Variants in AUTS2 observed in about 807,000 individuals in gnomAD.
AUTS2 encodes activator of transcription and developmental regulator AUTS2, also known as autism susceptibility gene 2 protein.
AUTS2 carries 17 observed loss-of-function variants against 112.4 expected under a neutral mutation model. The observed-to-expected ratio is 0.15, with a 90% CI of 0.10 to 0.23. AUTS2 has a LOEUF of 0.23. AUTS2 is among the 10% of genes least tolerant of loss of function. AUTS2 has a pLI of 1.00. For synonymous variants in AUTS2, 751 were observed against 702.7 expected (o/e 1.07, Z -1.09); for missense variants, 1,510 against 1,701.6 (o/e 0.89, Z 1.98).
chr7:69,982,587 C>T (rs895118239), intron 2 of AUTS2, among the ~76,000 whole-genome samples: 7 of 152,146 alleles, frequency 4.6e-5, no homozygotes, highest in African/African-American at 1.7e-4. Flanking sequence ...AGTCATCACC[C>T]ATGGGTGAAA....
rs761641189 is a variant in AUTS2, at chr7:70,777,138, C to A, written c.1968C>A (p.Ile656=). 6.2e-7 allele frequency: 1 copy of A among 1,614,078 alleles called. No homozygotes were observed. Among genetic ancestry groups the A allele is most frequent in the Non-Finnish European group, 8.5e-7 (1 of 1,180,016 alleles). Residue 656 remains isoleucine, a synonymous_variant, in exon 14 of 19, where the codon ATC becomes ATA. Coordinates refer to ENST00000342771, the MANE Select transcript of AUTS2 (RefSeq NM_015570.4). ...AGTGGTGTGCTATGCATGTTCACAT[C>A]GCCTGGCAGATTTACCACCACCAAC... ...PGKWCAMHVH[I]AWQIYHHQQK...
chr7:70,226,750 A>G (rs1483246787), intron 4 of AUTS2, among the ~76,000 whole-genome samples: 7 of 152,266 alleles, frequency 4.6e-5, no homozygotes, highest in Admixed American at 3.9e-4. Flanking sequence ...GCAGTATATC[A>G]TTTAATTTTT....
At chr7:70,090,763 TC>T (rs1384811453) in intron 2 of AUTS2, among the ~76,000 whole-genome samples, 1 of 151,620 alleles carries the variant, frequency 6.6e-6, no homozygotes, top group Non-Finnish European at 1.5e-5. Flanking sequence ...ACTGCCGCCT[TC>T]GCCTCTTGGG....
rs577323013 is a variant in AUTS2 at position 70,774,055 on chromosome 7, C to T, written c.1858C>T (p.Arg620Trp). ...ATCCAACCCTATCGATGTCGCTGCT[C>T]GGCCTGGGACAGTCCCACACACTTT... The part of the protein sequence containing the change: ...KTSNPIDVAA[R>W]PGTVPHTLLQ... Residue 620 changes from arginine to tryptophan, a missense_variant, in exon 12 of 19, where the codon CGG becomes TGG. Transcript: ENST00000342771. The T allele has an allele frequency of 5.0e-6, 8 of 1,614,078 alleles. No individual in the cohort carries two copies. The highest frequency in any genetic ancestry group is 5.9e-6 in the Non-Finnish European group (7 of 1,180,050).
At chr7:69,752,551 C>T (rs1232095644) in intron 1 of AUTS2, among the ~76,000 whole-genome samples, 1 of 152,124 alleles carries the variant, frequency 6.6e-6, no homozygotes, top group East Asian at 1.9e-4. Context: ...CGCTTGCACT[C>T]AGTATTTAAG....
At chr7:70,022,275 T>C (rs915345909) in intron 2 of AUTS2, among the ~76,000 whole-genome samples, 1 of 151,738 alleles carries the variant, frequency 6.6e-6, no homozygotes, top group African/African-American at 2.4e-5. Flanking sequence ...TTGTTGTTTA[T>C]TGTCACAGAG....
intron 1 of AUTS2, among the ~76,000 whole-genome samples, chr7:69,748,245 A>G (rs1222566489): frequency 1.3e-5 from 2 of 152,196 alleles, no homozygotes; most frequent in African/African-American, 4.8e-5. Flanking sequence ...TTTCCTAGAT[A>G]AGGCATCTGT....
At chr7:70,260,681 A>C (rs1047762297) in intron 4 of AUTS2, among the ~76,000 whole-genome samples, 1 of 152,110 alleles carries the variant, frequency 6.6e-6, no homozygotes, top group African/African-American at 2.4e-5. Flanking sequence ...ATAGTGCAGC[A>C]GTCCCACTCC....
chr7:70,048,693 A>G (rs1420856128), intron 2 of AUTS2, among the ~76,000 whole-genome samples: 2 of 152,240 alleles, frequency 1.3e-5, no homozygotes, highest in East Asian at 1.9e-4. Context: ...GCAAATCATC[A>G]TATTTGCAAA....
chr7:69,606,009 C>A (rs1215496853), intron 1 of AUTS2, among the ~76,000 whole-genome samples: 1 of 152,192 alleles, frequency 6.6e-6, no homozygotes, highest in African/African-American at 2.4e-5. Context: ...TGATTCCATG[C>A]AGCTTTTGTT....
At chr7:69,876,500 AT>A (rs1793797090) in intron 1 of AUTS2, among the ~76,000 whole-genome samples, 2 of 8,598 alleles carry the variant, frequency 2.3e-4, no homozygotes, top group Non-Finnish European at 4.1e-4. Flanking sequence ...ATATATATAT[AT>A]ATATATATAT....
intron 1 of AUTS2, among the ~76,000 whole-genome samples, chr7:69,614,596 T>C (rs565025362): frequency 3.3e-5 from 5 of 152,096 alleles, no homozygotes; most frequent in Admixed American, 3.3e-4. Flanking sequence ...GTGATCCTCC[T>C]GCCTCAGCCT....
At chr7:70,107,733 G>A (rs1804846937) in intron 2 of AUTS2, among the ~76,000 whole-genome samples, 1 of 150,842 alleles carries the variant, frequency 6.6e-6, no homozygotes, top group Non-Finnish European at 1.5e-5. Context: ...TAGAACATAG[G>A]CCAGATGTGG....
At chr7:70,230,253 T>C (rs2129595794) in intron 4 of AUTS2, among the ~76,000 whole-genome samples, 1 of 152,354 alleles carries the variant, frequency 6.6e-6, no homozygotes, top group East Asian at 1.9e-4. Flanking sequence ...TCTTTTTTGT[T>C]TTTTGTTTTT....
intron 2 of AUTS2, among the ~76,000 whole-genome samples, chr7:69,987,809 A>G (rs1474811687): frequency 1.3e-5 from 2 of 152,130 alleles, no homozygotes; most frequent in African/African-American, 4.8e-5. Context: ...GACTATTTTG[A>G]CTATTTGATT....
chr7:70,496,330 G>A (rs1277651166), intron 5 of AUTS2, among the ~76,000 whole-genome samples: 65 of 11,570 alleles, frequency 5.6e-3, no homozygotes, highest in African/African-American at 8.1e-3. Flanking sequence ...TCACACACAC[G>A]CACACCCCAC....
intron 5 of AUTS2, among the ~76,000 whole-genome samples, chr7:70,549,356 CT>C (rs1563033695): frequency 6.6e-6 from 1 of 152,056 alleles, no homozygotes; most frequent in Non-Finnish European, 1.5e-5. Context: ...GATGACTTTT[CT>C]TTTTCTTGCC....
chr7:70,610,112 G>T (rs887800347), intron 5 of AUTS2, among the ~76,000 whole-genome samples: 24 of 152,018 alleles, frequency 1.6e-4, no homozygotes, highest in Non-Finnish European at 7.4e-5. Context: ...CGATGCTCTT[G>T]CCTTAGCCTC....
intron 5 of AUTS2, among the ~76,000 whole-genome samples, chr7:70,597,139 T>G (rs1330027653): frequency 6.6e-6 from 1 of 152,168 alleles, no homozygotes; most frequent in Non-Finnish European, 1.5e-5. Flanking sequence ...TGAATGTGAG[T>G]GCCTTGCTCA....
Sources: gnomAD v4.1 joint callset for allele counts (sites outside exome capture counted in the v4.1 genomes callset) on GRCh38, gnomAD v4.1.1 for gene constraint, MANE v1.5 for transcripts, NCBI Gene and HGNC (gene_info 2026-07-23, HGNC 2026-07-21) for gene names.